Variants in GALNT13 observed in about 807,000 individuals in gnomAD.
GALNT13 encodes UDP-GalNAc:polypeptide N-acetylgalactosaminyltransferase 13.
A neutral mutation model predicts 64.2 loss-of-function variants in GALNT13; 28 were observed. The observed-to-expected ratio is 0.44, with a 90% CI of 0.32 to 0.60. GALNT13 has a LOEUF of 0.60. Among genes scored for constraint, GALNT13 ranks in the 20% least tolerant of loss-of-function variants. The pLI is 0.05. For missense variants in GALNT13, 577 were observed against 669.8 expected, an observed-to-expected ratio of 0.86 and a Z score of 1.53; for synonymous variants, 214 against 224.6, an observed-to-expected ratio of 0.95 and a Z score of 0.42.
At chr2:153,874,040 G>T (rs559506431) in intron 1 of GALNT13, among the ~76,000 whole-genome samples, 2 of 151,002 alleles carry the variant, frequency 1.3e-5, no homozygotes, top group East Asian at 3.9e-4. Context: ...TTTCCTCAAA[G>T]AATGACTTTT....
the GALNT13 span, among the ~76,000 whole-genome samples, chr2:153,514,477 A>C: frequency 4.6e-5 from 7 of 152,136 alleles, no homozygotes; most frequent in Admixed American, 1.3e-4. Flanking sequence ...CTTTTTGCCA[A>C]GAATGGTAAC....
the GALNT13 span, among the ~76,000 whole-genome samples, chr2:153,085,179 C>T: frequency 7.2e-5 from 11 of 152,192 alleles, no homozygotes; most frequent in Admixed American, 2.6e-4. Context: ...GGAGGAAGAA[C>T]GTTCTAAGTG....
intron 6 of GALNT13, among the ~76,000 whole-genome samples, chr2:154,244,034 A>C (rs1027582188): frequency 2.0e-5 from 3 of 152,226 alleles, no homozygotes; most frequent in African/African-American, 7.2e-5. Context: ...CCCACAGGAC[A>C]ATCAGACTGG....
intron 4 of GALNT13, among the ~76,000 whole-genome samples, chr2:154,159,136 CATTT>C (rs1163311203): frequency 6.6e-6 from 1 of 150,458 alleles, no homozygotes; most frequent in Non-Finnish European, 1.5e-5. Flanking sequence ...TTTATTTATT[CATTT>C]ATTTATTTAT....
chr2:154,027,160 A>T (rs2105296536), intron 3 of GALNT13, among the ~76,000 whole-genome samples: 1 of 152,300 alleles, frequency 6.6e-6, no homozygotes, highest in East Asian at 1.9e-4. Context: ...TAAACAAGTC[A>T]GATCCCAATC....
At chr2:153,345,283 T>C in the GALNT13 span, among the ~76,000 whole-genome samples, 15 of 152,158 alleles carry the variant, frequency 9.9e-5, no homozygotes, top group Admixed American at 9.8e-4. Flanking sequence ...AGGAGTCAAC[T>C]TTAGTTGCAT....
chr2:154,297,234 C>T (rs1692979070), intron 8 of GALNT13, among the ~76,000 whole-genome samples: 1 of 152,134 alleles, frequency 6.6e-6, no homozygotes, highest in African/African-American at 2.4e-5. Flanking sequence ...CACTACAAAA[C>T]AAATTGCAGA....
intron 3 of GALNT13, among the ~76,000 whole-genome samples, chr2:154,128,522 TTAATAATGAACAGCAAGATTTA>T (rs1682424922): frequency 6.6e-6 from 1 of 152,060 alleles, no homozygotes; most frequent in Admixed American, 6.5e-5. Context: ...CCAGTGTAAA[TTAATAATGAACAGCAAGATTTA>T]TAATGATTGT....
the GALNT13 span, among the ~76,000 whole-genome samples, chr2:153,456,866 C>A: frequency 6.6e-6 from 1 of 152,090 alleles, no homozygotes. Context: ...ATTACACATG[C>A]GGATGAATGC....
At chr2:153,612,336 G>A in the GALNT13 span, among the ~76,000 whole-genome samples, 2 of 152,100 alleles carry the variant, frequency 1.3e-5, no homozygotes, top group East Asian at 3.9e-4. Context: ...TCCCATTACT[G>A]GGTATATAAC....
At chr2:153,139,514 A>G in the GALNT13 span, among the ~76,000 whole-genome samples, 12 of 152,004 alleles carry the variant, frequency 7.9e-5, no homozygotes. Flanking sequence ...AGGGAGAGGG[A>G]AAAGATTGGC....
At chr2:154,427,445 A>G (rs903775093) in intron 11 of GALNT13, among the ~76,000 whole-genome samples, 1 of 152,212 alleles carries the variant, frequency 6.6e-6, no homozygotes, top group Non-Finnish European at 1.5e-5. Flanking sequence ...TTTGCTTGGC[A>G]AAGCGGAGTG....
At chr2:154,239,377 C>T (rs1165322112) in intron 4 of GALNT13, among the ~76,000 whole-genome samples, 1 of 151,954 alleles carries the variant, frequency 6.6e-6, no homozygotes, top group African/African-American at 2.4e-5. Flanking sequence ...TGGTTGTTGG[C>T]TTTTGGACTG....
At chr2:153,388,779 A>AG in the GALNT13 span, among the ~76,000 whole-genome samples, 6 of 152,034 alleles carry the variant, frequency 3.9e-5, no homozygotes, top group African/African-American at 1.4e-4. Context: ...CTTCTGGGCC[A>AG]GGCTATCTTC....
chr2:154,273,897 T>C (rs1033433545), intron 8 of GALNT13, among the ~76,000 whole-genome samples: 2 of 152,096 alleles, frequency 1.3e-5, no homozygotes, highest in Non-Finnish European at 2.9e-5. Flanking sequence ...ATTTGAATAA[T>C]ACATAATAAA....
At chr2:153,503,076 A>C in the GALNT13 span, among the ~76,000 whole-genome samples, 1 of 152,026 alleles carries the variant, frequency 6.6e-6, no homozygotes, top group Non-Finnish European at 1.5e-5. Flanking sequence ...GAAGCTTTTT[A>C]GTTTAATTAA....
the GALNT13 span, among the ~76,000 whole-genome samples, chr2:153,727,935 C>T: frequency 4.6e-5 from 7 of 152,250 alleles, no homozygotes; most frequent in African/African-American, 1.7e-4. Context: ...TGATGTTCCC[C>T]TCCCTGTGTC....
chr2:154,295,348 T>TTTA (rs1553510428), intron 8 of GALNT13, among the ~76,000 whole-genome samples: 1 of 142,222 alleles, frequency 7.0e-6, no homozygotes, highest in African/African-American at 2.6e-5. Flanking sequence ...ATTCTTTTTA[T>TTTA]TTTATTTATT....
chr2:154,053,821 C>T (rs1197994853), intron 3 of GALNT13, among the ~76,000 whole-genome samples: 1 of 152,118 alleles, frequency 6.6e-6, no homozygotes, highest in East Asian at 1.9e-4. Context: ...TAAGGTGAGT[C>T]AATCTTCTTA....
Sources: allele counts gnomAD v4.1 joint callset (sites outside exome capture counted in the v4.1 genomes callset), GRCh38; gene constraint gnomAD v4.1.1; transcripts MANE v1.5; gene names NCBI Gene and HGNC (gene_info 2026-07-23, HGNC 2026-07-21).